The following WDR11 variants were observed in gnomAD, a reference collection of about 807,000 sequenced individuals.
The protein encoded by WDR11 is WD repeat domain 11, also known as WD repeat-containing protein 11.
A neutral mutation model predicts 151.2 loss-of-function variants in WDR11; 83 were observed. The observed-to-expected ratio is 0.55, with a 90% CI of 0.46 to 0.66. WDR11 has a LOEUF of 0.66. Among genes scored for constraint, WDR11 ranks in the 30% least tolerant of loss-of-function variants. WDR11 has a pLI of 0.00. For missense variants in WDR11, 1,301 were observed against 1,480.9 expected (o/e 0.88, Z 1.99); for synonymous variants, 484 against 533.1 (o/e 0.91, Z 1.27).
At chr10:120,901,143 AAAATGCAATTCAACTTT>A in intron 21 of WDR11, 45 bp downstream of exon 21, 2 of 1,472,386 alleles carry the variant, frequency 1.4e-6, no homozygotes, top group Non-Finnish European at 1.9e-6. Flanking sequence ...ATGAGAAAGA[AAAATGCAATTCAACTTT>A]AAATGCAATT....
rs748853834 is a variant in WDR11, at chr10:120,908,622, G to A, written c.3584G>A (p.Gly1195Glu). The change falls in exon 29 of 29, where the codon GGA becomes GAA. Residue 1195 changes from glycine (G) to glutamate (E), a missense_variant. Gly to Glu is a moderately conservative substitution (Grantham distance 98). Transcript: ENST00000263461. ...TTGAAGAACCTCGGTTTTAAGCAGG[G>A]AGCAGTTCTCTTTGCTTCAAAAGCC... is the stretch of plus-strand genomic sequence containing the variant. ...RSLKNLGFKQ[G>E]AVLFASKAGA... 2 of 1,614,188 alleles carry A rather than the reference G, an allele frequency of 1.2e-6. No individual in the cohort carries two copies. The highest frequency in any genetic ancestry group is 1.1e-5 in the South Asian group (1 of 91,080).
intron 11 of WDR11, among the ~76,000 whole-genome samples, chr10:120,874,777 T>C (rs1846701104): frequency 6.6e-6 from 1 of 151,742 alleles, no homozygotes; most frequent in Admixed American, 6.6e-5. Flanking sequence ...ATGGTGTGTA[T>C]GTACCACATT....
chr10:120,901,162 A>G, intron 21 of WDR11, 64 bp downstream of exon 21: 1 of 1,340,126 alleles, frequency 7.5e-7, no homozygotes, highest in Non-Finnish European at 1.1e-6. Context: ...TTCAACTTTA[A>G]ATGCAATTCA....
At chr10:120,874,599 C>G (rs1846690956) in intron 11 of WDR11, among the ~76,000 whole-genome samples, 1 of 151,692 alleles carries the variant, frequency 6.6e-6, no homozygotes, top group African/African-American at 2.4e-5. Flanking sequence ...GTGTTGTTCC[C>G]CTCCCTGTGT....
intron 19 of WDR11, among the ~76,000 whole-genome samples, chr10:120,896,540 CAA>C (rs1847622119): frequency 6.6e-6 from 1 of 152,104 alleles, no homozygotes; most frequent in African/African-American, 2.4e-5. Flanking sequence ...CACACACACA[CAA>C]AAACAGTTCA....
intron 2 of WDR11, among the ~76,000 whole-genome samples, chr10:120,854,788 A>T (rs1251182359): frequency 2.0e-5 from 3 of 152,088 alleles, no homozygotes; most frequent in Non-Finnish European, 2.9e-5. Context: ...CCATTTGTAT[A>T]TCTTCTTTGG....
intron 9 of WDR11, among the ~76,000 whole-genome samples, chr10:120,869,892 C>T (rs1257281847): frequency 2.6e-5 from 4 of 152,106 alleles, no homozygotes; most frequent in African/African-American, 9.7e-5. Flanking sequence ...CGAGTTCAAG[C>T]GATTCTCCTG....
At chr10:120,869,404 C>T (rs918431134) in intron 9 of WDR11, among the ~76,000 whole-genome samples, 9 of 152,168 alleles carry the variant, frequency 5.9e-5, no homozygotes, top group South Asian at 2.1e-4. Flanking sequence ...TGAGCCACCG[C>T]GCCCGGCCAA....
rs757281973 is a variant in WDR11 at position 120,906,884 on chromosome 10, C to T, written c.3517+29C>T. On this transcript the variant is annotated intron_variant, in intron 28 of 28. Transcript: ENST00000263461. ...TCCTTTGCAAGGTTGTTTGTAGTGA[C>T]GAGGAAGAAAGTGACATGCATGGGT... The T allele has an allele frequency of 3.7e-5, 60 of 1,613,770 alleles. No individual in the cohort carries two copies. In the East Asian group the frequency reaches 1.2e-3, roughly 34 times the overall value.
At chr10:120,906,743 A>G in intron 27 of WDR11, 33 bp from the exon 28 acceptor site, 2 of 1,614,022 alleles carry the variant, frequency 1.2e-6, no homozygotes, top group Non-Finnish European at 1.7e-6. Flanking sequence ...TGTAAATCAC[A>G]AAGCATAACT....
At chr10:120,857,471 A>G (rs1307255685) in intron 2 of WDR11, among the ~76,000 whole-genome samples, 1 of 152,244 alleles carries the variant, frequency 6.6e-6, no homozygotes, top group Non-Finnish European at 1.5e-5. Context: ...TATTCTATTC[A>G]TACACATTCT....
intron 9 of WDR11, among the ~76,000 whole-genome samples, chr10:120,868,120 T>C (rs1036636049): frequency 2.0e-5 from 3 of 152,006 alleles, no homozygotes; most frequent in African/African-American, 4.8e-5. Context: ...TTTAGGAGGG[T>C]TTTTTTGTTG....
At chr10:120,863,440 C>G (rs1321795491) in intron 5 of WDR11, among the ~76,000 whole-genome samples, 1 of 152,062 alleles carries the variant, frequency 6.6e-6, no homozygotes, top group African/African-American at 2.4e-5. Context: ...CTCTCCCAGT[C>G]TCTAAAATAA....
At chr10:120,905,440 G>T (rs749898209) in intron 26 of WDR11, 24 bp downstream of exon 26, 1 of 1,611,894 alleles carries the variant, frequency 6.2e-7, no homozygotes, top group East Asian at 2.2e-5. Context: ...AGTTTCAATA[G>T]GTGCCCTCAA....
rs1848174864 is a variant in WDR11, at chr10:120,908,773, C to T, written c.*60C>T. 3 of 1,590,726 alleles carry T rather than the reference C, an allele frequency of 1.9e-6. No homozygotes were observed. The South Asian group carries it at 3.3e-5, about 18-fold the overall frequency. On this transcript the variant is annotated 3_prime_UTR_variant, in exon 29 of 29. Transcript: ENST00000263461. ...GGCAGATGGGAGGGGGCTGGTCTGG[C>T]TGTGGCCACCGTCACAGTCCAGGAT...
At position 120,865,127 on chromosome 10, in the gene WDR11, C is replaced by T. The variant is rs1265977067; in HGVS notation, c.794C>T (p.Pro265Leu). The change falls in exon 6 of 29, where the codon CCT (proline) becomes CTT (leucine). Residue 265 changes from proline to leucine, a missense_variant. By Grantham distance (98) the Pro-to-Leu change is moderately conservative. Around this residue, in one of 3 missense-constraint regions of WDR11, gnomAD observed 692 missense variants for 762.5 expected, o/e 0.91. Coordinates refer to ENST00000263461, the MANE Select transcript of WDR11 (RefSeq NM_018117.12). ...AGGAATCACATGTTGTTGCTCTATCCTCGAGAGATTTTAATCCTTGACCTT... is the reference window on the plus strand; with the variant it reads ...AGGAATCACATGTTGTTGCTCTATCTTCGAGAGATTTTAATCCTTGACCTT... The part of the protein sequence containing the change: ...SKRNHMLLLY[P>L]REILILDLEV... 2.5e-6 allele frequency: 4 copies of T among 1,613,824 alleles called. No individual in the cohort carries two copies. In the Admixed American group the frequency reaches 5.0e-5, roughly 20 times the overall value.
chr10:120,877,758 TTAAG>T (rs1846846861), intron 11 of WDR11, among the ~76,000 whole-genome samples: 1 of 152,264 alleles, frequency 6.6e-6, no homozygotes, highest in African/African-American at 2.4e-5. Context: ...CTACCTTTTA[TTAAG>T]TGTGTTTTTA....
intron 13 of WDR11, among the ~76,000 whole-genome samples, chr10:120,881,526 T>C (rs1005661177): frequency 6.6e-6 from 1 of 152,196 alleles, no homozygotes; most frequent in African/African-American, 2.4e-5. Context: ...GAACATGGTA[T>C]GTCTCTCCAC....
chr10:120,867,360 A>T (rs1846351963), intron 9 of WDR11, among the ~76,000 whole-genome samples, 191 bp downstream of exon 9: 1 of 152,242 alleles, frequency 6.6e-6, no homozygotes, highest in Admixed American at 6.5e-5. Context: ...CTGAAGTAGC[A>T]CGGGTTTGCA....
Sources: allele counts gnomAD v4.1 joint callset (sites outside exome capture counted in the v4.1 genomes callset), GRCh38; gene constraint gnomAD v4.1.1; regional missense constraint gnomAD v4.1.1; transcripts MANE v1.5; gene names NCBI Gene and HGNC (gene_info 2026-07-23, HGNC 2026-07-21).